CHL1: variants seen among roughly 807,000 people sequenced by gnomAD.
CHL1 encodes cell adhesion molecule L1 like.
CHL1 carries 96 observed loss-of-function variants against 141.9 expected under a neutral mutation model. That is an observed-to-expected ratio of 0.68 (90% CI 0.57 to 0.80). The LOEUF is 0.80. Among genes scored for constraint, CHL1 ranks in the 30% least tolerant of loss-of-function variants. The pLI is 0.00. For missense variants in CHL1, 1,820 were observed against 1,457.2 expected (o/e 1.25, Z -4.05); for synonymous variants, 613 against 502.2 (o/e 1.22, Z -2.95).
rs79391646 is a variant in CHL1, at chr3:265,637, CA to C, written c.-95+20947del. 1.1e-3 allele frequency among the ~76,000 whole-genome samples: 175 copies of C among 152,242 alleles called. 4 individuals are homozygous for C. In the East Asian group the frequency reaches 0.027, roughly 24 times the overall value. On this transcript the variant is annotated intron_variant, in intron 2 of 27. Transcript: ENST00000256509. The stretch of plus-strand genomic sequence containing the variant: ...CCTGAAATGTTACTAGAATTCTATT[CA>C]ATGATCTGTGATCCTCATATTCATT...
chr3:316,068 C>G (rs1700132768), intron 2 of CHL1, among the ~76,000 whole-genome samples: 1 of 151,988 alleles, frequency 6.6e-6, no homozygotes, highest in African/African-American at 2.4e-5. Context: ...GCTTGCCACC[C>G]TACTCTTATT....
At chr3:390,638 A>G in intron 20 of CHL1, 63 bp from the exon 21 acceptor site, 1 of 981,676 alleles carries the variant, frequency 1.0e-6, no homozygotes. Flanking sequence ...AAATTTTTGA[A>G]AAGGATCCTA....
chr3:225,086 A>G (rs1701193491), intron 1 of CHL1, among the ~76,000 whole-genome samples: 1 of 152,168 alleles, frequency 6.6e-6, no homozygotes, highest in South Asian at 2.1e-4. Context: ...GTAAGCCAAG[A>G]TCTCGCCACT....
At chr3:197,358 G>A (rs577017433) in intron 1 of CHL1, 17 of 154,082 alleles carry the variant, frequency 1.1e-4, no homozygotes, top group South Asian at 6.1e-4. Context: ...ACTCACGCCC[G>A]CCGGCCGCCG....
intron 19 of CHL1, among the ~76,000 whole-genome samples, chr3:386,287 T>C (rs1707707201): frequency 6.6e-6 from 1 of 151,658 alleles, no homozygotes; most frequent in Non-Finnish European, 1.5e-5. Context: ...TGGACATCCC[T>C]AATTTTTGTT....
intron 5 of CHL1, among the ~76,000 whole-genome samples, chr3:334,943 G>C (rs1426777246): frequency 3.3e-5 from 5 of 152,118 alleles, no homozygotes; most frequent in South Asian, 2.1e-4. Context: ...AAAAATAAAA[G>C]AATGAATAAA....
At chr3:316,939 A>G (rs1700192925) in intron 2 of CHL1, among the ~76,000 whole-genome samples, 1 of 152,064 alleles carries the variant, frequency 6.6e-6, no homozygotes, top group South Asian at 2.1e-4. Flanking sequence ...TTACTGTTGC[A>G]AAATGGAATT....
chr3:328,756 G>A (rs1472171088), intron 5 of CHL1, among the ~76,000 whole-genome samples: 1 of 152,106 alleles, frequency 6.6e-6, no homozygotes, highest in Non-Finnish European at 1.5e-5. Context: ...CAGCCTTCTT[G>A]CTGATCACAG....
chr3:245,201 G>GT (rs1312091120), intron 2 of CHL1, among the ~76,000 whole-genome samples: 1 of 152,076 alleles, frequency 6.6e-6, no homozygotes, highest in Non-Finnish European at 1.5e-5. Flanking sequence ...CTTGATTGGA[G>GT]TTTTTTCAAA....
chr3:235,927 G>A (rs540612082), intron 1 of CHL1, among the ~76,000 whole-genome samples: 86 of 152,248 alleles, frequency 5.6e-4, no homozygotes, highest in African/African-American at 1.9e-3. Flanking sequence ...TCCAGAAGAG[G>A]GCCTCTGGCT....
At chr3:258,658 C>T (rs73092546) in intron 2 of CHL1, among the ~76,000 whole-genome samples, 8,331 of 152,244 alleles carry the variant, frequency 0.055, 729 homozygotes, top group African/African-American at 0.19. Context: ...TTTCCATCTT[C>T]GGACCTTGCC....
At position 391,713 on chromosome 3, in the gene CHL1, G is replaced by A; in HGVS notation, c.2830G>A (p.Asp944Asn). 3.1e-6 allele frequency: 5 copies of A among 1,607,270 alleles called. No homozygotes were observed. Among genetic ancestry groups the A allele is most frequent in the Non-Finnish European group, 4.3e-6 (5 of 1,175,786 alleles). The change falls in exon 23 of 28, where the codon GAT becomes AAT. Residue 944 changes from aspartate (D) to asparagine (N), a missense_variant. Physicochemically the swap from Asp to Asn is conservative, Grantham distance 23. Coordinates refer to ENST00000256509, the MANE Select transcript of CHL1 (RefSeq NM_006614.4). ...QPTFLKVIKV[D>N]KDTATLSWGL... The stretch of plus-strand genomic sequence containing the variant: ...AACTTTTCTAAAGGTCATCAAAGTT[G>A]ATAAAGACACTGCCACTTTATCTTG...
rs144767147 is a variant in CHL1, at chr3:338,391, T to C, written c.386-2403T>C. Among the ~76,000 whole-genome samples the C allele has an allele frequency of 9.9e-3, 1,507 of 152,358 alleles. 7 individuals are homozygous for C. Among genetic ancestry groups the C allele is most frequent in the Middle Eastern group, 0.02 (6 of 294 alleles). On this transcript the variant is annotated intron_variant, in intron 5 of 27. Transcript: ENST00000256509. ...CCAAACTCAGCAATGCTAATGTTTGTCACCAGATAAACACAGTAAATGCCA... is the reference window on the plus strand; with the variant it reads ...CCAAACTCAGCAATGCTAATGTTTGCCACCAGATAAACACAGTAAATGCCA...
intron 1 of CHL1, among the ~76,000 whole-genome samples, chr3:236,137 G>C (rs768037291): frequency 1.3e-5 from 2 of 152,130 alleles, no homozygotes; most frequent in Non-Finnish European, 2.9e-5. Context: ...GCCCTGCTCC[G>C]CCTGCTTGAT....
intron 2 of CHL1, among the ~76,000 whole-genome samples, chr3:307,291 A>G (rs1036925470): frequency 1.3e-5 from 2 of 152,238 alleles, no homozygotes; most frequent in African/African-American, 4.8e-5. Flanking sequence ...TATGCTCATA[A>G]GTATGTGTAC....
chr3:360,201 A>C, intron 11 of CHL1, 83 bp from the exon 12 acceptor site: 1 of 1,485,368 alleles, frequency 6.7e-7, no homozygotes, highest in South Asian at 1.3e-5. Context: ...AAATATAAAT[A>C]CTGTGTGACA....
rs776514392 is a variant in CHL1 at position 377,825 on chromosome 3, A to T, written c.1759A>T (p.Ile587Phe). 1 of 1,605,394 alleles carries T rather than the reference A, an allele frequency of 6.2e-7. No individual in the cohort carries two copies. Among genetic ancestry groups the T allele is most frequent in the South Asian group, 1.1e-5 (1 of 89,826 alleles). Residue 587 changes from isoleucine (I) to phenylalanine (F), a missense_variant, in exon 16 of 28, where the codon ATT becomes TTT. Transcript: ENST00000256509. ...TCACTTTTTTTCTGATAGGATAATT[A>T]TTGATGGAGCTAATTTGACCATATC... is the stretch of plus-strand genomic sequence containing the variant. Reference protein sequence around the residue: ...INGTEDGRIIIDGANLTISNV... With the variant: ...INGTEDGRIIFDGANLTISNV...
chr3:356,198 G>A (rs867858375), intron 11 of CHL1, among the ~76,000 whole-genome samples: 3 of 152,266 alleles, frequency 2.0e-5, no homozygotes, highest in East Asian at 1.9e-4. Flanking sequence ...TTGGGTAGAC[G>A]AAGGGAAATG....
At position 391,760 on chromosome 3, in the gene CHL1, T is replaced by C. The variant is rs1192723655; in HGVS notation, c.2877T>C (p.Asn959=). The stretch of plus-strand genomic sequence containing the variant: ...CTTGGGGACTACCTAAGAAATTAAA[T>C]GGAAACTTAACTGGCTATCTTTTGC... ...TLSWGLPKKL[N]GNLTGYLLQY... is the part of the protein sequence containing the mutation. Residue 959 remains asparagine (N), a synonymous_variant, in exon 23 of 28, where the codon AAT becomes AAC. Transcript: ENST00000256509. 1 of 1,600,218 alleles carries C rather than the reference T, an allele frequency of 6.2e-7. No individual in the cohort carries two copies. Among genetic ancestry groups the C allele is most frequent in the Non-Finnish European group, 8.5e-7 (1 of 1,171,932 alleles).
Sources: gnomAD v4.1 joint callset for allele counts (sites outside exome capture counted in the v4.1 genomes callset) on GRCh38, gnomAD v4.1.1 for gene constraint, MANE v1.5 for transcripts, NCBI Gene and HGNC (gene_info 2026-07-23, HGNC 2026-07-21) for gene names.